Variants in LMBR1L observed in about 807,000 individuals in gnomAD.
LMBR1L encodes limb development membrane protein 1 like, also known as protein LMBR1L.
LMBR1L carries 47 observed loss-of-function variants against 67.3 expected under a neutral mutation model. The observed-to-expected ratio is 0.70, with a 90% CI of 0.55 to 0.89. LMBR1L has a LOEUF of 0.89. Among genes scored for constraint, LMBR1L ranks in the 40% least tolerant of loss-of-function variants. The probability of loss-of-function intolerance (pLI) is 0.00; values close to 1 mark genes in which losing one functional copy is unlikely to be tolerated. For synonymous variants in LMBR1L, 247 were observed against 250.3 expected, an observed-to-expected ratio of 0.99 and a Z score of 0.13; for missense variants, 533 against 599.2, an observed-to-expected ratio of 0.89 and a Z score of 1.15.
In LMBR1L at chr12:49,100,603, G is replaced by C. The variant is rs1259538486; in HGVS notation, c.1126C>G (p.Leu376Val). 1 of 1,614,210 alleles carries C rather than the reference G, an allele frequency of 6.2e-7. No homozygotes were observed. The highest frequency in any genetic ancestry group is 1.1e-5 in the South Asian group (1 of 91,082). Residue 376 changes from leucine (L) to valine (V), a missense_variant, in exon 14 of 17, where the codon CTC becomes GTC. Leu to Val is a conservative substitution (Grantham distance 32). Transcript: ENST00000267102. ...SSVVGFYSSP[L>V]FRSLRPRWHD... ...CATCTGGGCCGCAGGCTCCGGAAGA[G>C]TGGAGAGCTATAGAAGCCCACAACT...
Position 49,097,378 on chromosome 12 carries a change from A to C in LMBR1L, c.*294T>G. On this transcript the variant is annotated 3_prime_UTR_variant, in exon 17 of 17. Transcript: ENST00000267102. ...AAATCATGTAAACATGGCTATGGGGATGGCCCAGAACAGCAGTGAGGCAGA... is the reference window on the plus strand; with the variant it reads ...AAATCATGTAAACATGGCTATGGGGCTGGCCCAGAACAGCAGTGAGGCAGA... 7.3e-6 allele frequency: 3 copies of C among 412,162 alleles called. No individual in the cohort carries two copies. Among genetic ancestry groups the C allele is most frequent in the Non-Finnish European group, 9.1e-6 (2 of 220,246 alleles). The allele number at this position is 412,162 out of a possible 1,614,324, so 25.5% of individuals were successfully genotyped here.
chr12:49,110,763 G>T lies in LMBR1L; in HGVS notation c.-208C>A. 1 of 587,010 alleles carries T rather than the reference G, an allele frequency of 1.7e-6. No individual in the cohort carries two copies. The highest frequency in any genetic ancestry group is 3.0e-5 in the Admixed American group (1 of 33,840). The allele number at this position is 587,010 out of a possible 1,614,324, so 36.4% of individuals were successfully genotyped here. On this transcript the variant is annotated 5_prime_UTR_variant, in exon 1 of 17. Coordinates refer to ENST00000267102, the MANE Select transcript of LMBR1L (RefSeq NM_018113.4). ...AGGCACCACCCGCCTCGTTTTAAAG[G>T]GCTCTGTCCTCCCTTTGCTCCCCAC...
rs1286075885 is a variant in LMBR1L, at chr12:49,098,008, G to A, written c.1338C>T (p.Leu446=). ...AGGTCTTCACCAGACAGAGTGTGGT[G>A]AGGCCTGCAAAGGCTGCGTTGTAGA... is the stretch of plus-strand genomic sequence containing the variant. ...VFLYNAAFAG[L]TTLCLVKTFT... Residue 446 remains leucine (L), a synonymous_variant, in exon 16 of 17, where the codon CTC becomes CTT. Transcript: ENST00000267102. The A allele has an allele frequency of 6.2e-7, 1 of 1,614,200 alleles. No homozygotes were observed. Among genetic ancestry groups the A allele is most frequent in the Non-Finnish European group, 8.5e-7 (1 of 1,180,034 alleles).
At chr12:49,097,816 ATG>A in intron 16 of LMBR1L, 77 bp from the exon 17 acceptor site, 1 of 1,600,104 alleles carries the variant, frequency 6.2e-7, no homozygotes, top group Non-Finnish European at 8.6e-7. Flanking sequence ...AAGCCACAGA[ATG>A]TGTGGATGAG....
At position 49,097,751 on chromosome 12, in the gene LMBR1L, G is replaced by A; in HGVS notation, c.1403-12C>T. ...CAGTCTGTCCAGCCCTGGAGAAGAG[G>A]AGATGGGCAGTCAAAAGCAAGTCAA... On this transcript the variant is annotated splice_polypyrimidine_tract_variant and intron_variant, in intron 16 of 16. Coordinates refer to ENST00000267102, the MANE Select transcript of LMBR1L (RefSeq NM_018113.4). The A allele has an allele frequency of 1.2e-6, 2 of 1,613,980 alleles. No individual in the cohort carries two copies. The highest frequency in any genetic ancestry group is 2.7e-5 in the African/African-American group (2 of 75,024).
intron 3 of LMBR1L, among the ~76,000 whole-genome samples, chr12:49,105,681 G>A (rs1254749366): frequency 1.3e-5 from 2 of 152,198 alleles, no homozygotes; most frequent in African/African-American, 4.8e-5. Flanking sequence ...CGGTGACTCA[G>A]GCCCCAGCGG....
chr12:49,101,071 C>G, intron 13 of LMBR1L, 179 bp downstream of exon 13: 1 of 1,330,094 alleles, frequency 7.5e-7, no homozygotes, highest in Non-Finnish European at 9.9e-7. Context: ...AACCACCAGC[C>G]CTCCTTTCAA....
intron 5 of LMBR1L, chr12:49,104,045 T>C (rs1272712469): frequency 5.8e-6 from 3 of 517,158 alleles, no homozygotes; most frequent in African/African-American, 5.8e-5. Context: ...TCCTTGTCAT[T>C]GTGTGCTCTG....
At chr12:49,106,726 C>A (rs10747561) in intron 2 of LMBR1L, 7 of 939,716 alleles carry the variant, frequency 7.4e-6, no homozygotes, top group Non-Finnish European at 1.2e-5. Context: ...GACATTGTTA[C>A]GCCCATTTTG....
At chr12:49,106,895 G>A (rs1940979320) in intron 2 of LMBR1L, 66 bp downstream of exon 2, 15 of 1,257,486 alleles carry the variant, frequency 1.2e-5, no homozygotes, top group Non-Finnish European at 1.6e-5. Flanking sequence ...GGTACCATAG[G>A]CCCATTCCCC....
At chr12:49,110,233 A>AGGGGGGGGGG in intron 1 of LMBR1L, 4 of 248,846 alleles carry the variant, frequency 1.6e-5, no homozygotes, top group Non-Finnish European at 2.6e-5. Context: ...GAGGGGTGGG[A>AGGGGGGGGGG]GGGAGGGGCA....
intron 2 of LMBR1L, chr12:49,106,390 G>C: frequency 2.6e-6 from 1 of 383,222 alleles, no homozygotes; most frequent in Non-Finnish European, 5.0e-6. Context: ...GCCTTGTTGA[G>C]GGGGGACTCA....
In LMBR1L at chr12:49,105,719, G is replaced by A. The variant is rs891540171; in HGVS notation, c.191+205C>T. Among the ~76,000 whole-genome samples, 10 of 152,212 alleles carry A rather than the reference G, an allele frequency of 6.6e-5. No homozygotes were observed. The East Asian group carries it at 1.2e-3, about 18-fold the overall frequency. On this transcript the variant is annotated intron_variant, in intron 3 of 16. Coordinates refer to ENST00000267102, the MANE Select transcript of LMBR1L (RefSeq NM_018113.4). ...GTTCCTGGCCATGAGGCTCCCACAAGCTCCTGGCCTAACCAGGAAGACAGG... is the reference window on the plus strand; with the variant it reads ...GTTCCTGGCCATGAGGCTCCCACAAACTCCTGGCCTAACCAGGAAGACAGG...
chr12:49,104,691 C>CT (rs1565594615), intron 4 of LMBR1L, 55 bp downstream of exon 4: 7 of 1,608,826 alleles, frequency 4.4e-6, no homozygotes, highest in Non-Finnish European at 5.9e-6. Context: ...CCACCCAACT[C>CT]TATCTGCTCT....
chr12:49,100,542 T>G lies in LMBR1L; in HGVS notation c.1173+14A>C. The G allele has an allele frequency of 6.2e-7, 1 of 1,612,554 alleles. No homozygotes were observed. Among genetic ancestry groups the G allele is most frequent in the Non-Finnish European group, 8.5e-7 (1 of 1,178,710 alleles). On this transcript the variant is annotated intron_variant, in intron 14 of 16. Coordinates refer to ENST00000267102, the MANE Select transcript of LMBR1L (RefSeq NM_018113.4). ...CACACCCCCCGGGAGCTTCCCTTAC[T>G]CCCTCCCAGCTACCTGCGTCATGGC...
At chr12:49,108,875 T>C (rs1941231415) in intron 1 of LMBR1L, among the ~76,000 whole-genome samples, 1 of 152,118 alleles carries the variant, frequency 6.6e-6, no homozygotes, top group Non-Finnish European at 1.5e-5. Context: ...GGAAAACACA[T>C]ACAGCTATCT....
Position 49,100,450 on chromosome 12 carries a change from A to C in LMBR1L, c.1178T>G (p.Ile393Ser). 6.2e-7 allele frequency: 1 copy of C among 1,613,864 alleles called. No individual in the cohort carries two copies. The highest frequency in any genetic ancestry group is 8.5e-7 in the Non-Finnish European group (1 of 1,179,678). ...RWHDTAMTQI[I>S]GNCVCLLVLS... ...GACCAGGAGACAGACACAGTTCCCA[A>C]TTATCTGGGTGGAAGCAGGGAAAGG... is the stretch of plus-strand genomic sequence containing the variant. The change falls in exon 15 of 17, where the codon ATT becomes AGT. Residue 393 changes from isoleucine to serine, a missense_variant. By Grantham distance (142) the Ile-to-Ser change is moderately radical. This residue lies in a region of LMBR1L where 223 missense variants were observed against 241.2 expected (regional missense o/e 0.92). Coordinates refer to ENST00000267102, the MANE Select transcript of LMBR1L (RefSeq NM_018113.4).
At chr12:49,101,631 C>A in intron 11 of LMBR1L, 82 bp from the exon 12 acceptor site, 1 of 986,284 alleles carries the variant, frequency 1.0e-6, no homozygotes, top group Non-Finnish European at 1.5e-6. Flanking sequence ...GACTCTGGTC[C>A]AACATTTTCA....
At chr12:49,105,182 C>T (rs1592219062) in intron 3 of LMBR1L, 1 of 388,938 alleles carries the variant, frequency 2.6e-6, no homozygotes. Flanking sequence ...CCCATACATG[C>T]CTATCAGTTA....
Sources: allele counts gnomAD v4.1 joint callset (sites outside exome capture counted in the v4.1 genomes callset), GRCh38; gene constraint gnomAD v4.1.1; regional missense constraint gnomAD v4.1.1; transcripts MANE v1.5; gene names NCBI Gene and HGNC (gene_info 2026-07-23, HGNC 2026-07-21).